DOCK8: variants seen among roughly 807,000 people sequenced by gnomAD.
DOCK8 encodes the protein dedicator of cytokinesis 8.
DOCK8 carries 141 observed loss-of-function variants against 245.6 expected under a neutral mutation model. The ratio of observed to expected loss-of-function variants is 0.57; its 90% CI spans 0.50 to 0.66. The LOEUF (loss-of-function observed/expected upper bound fraction) is 0.66. DOCK8 is among the 30% of genes least tolerant of loss of function. The probability of loss-of-function intolerance (pLI) is 0.00; values close to 1 mark genes in which losing one functional copy is unlikely to be tolerated. For missense variants in DOCK8, 2,965 were observed against 2,603.4 expected (o/e 1.14, Z -3.02); for synonymous variants, 1,168 against 970.2 (o/e 1.20, Z -3.79).
At chr9:384,235 T>G (rs1000044666) in intron 22 of DOCK8, among the ~76,000 whole-genome samples, 7 of 152,218 alleles carry the variant, frequency 4.6e-5, no homozygotes, top group African/African-American at 1.7e-4. Flanking sequence ...ATTCACCCTT[T>G]TTTAAAAGAT....
chr9:227,313 G>A (rs1215116714), intron 1 of DOCK8, among the ~76,000 whole-genome samples: 1 of 152,198 alleles, frequency 6.6e-6, no homozygotes, highest in African/African-American at 2.4e-5. Context: ...CCTCGTAGAG[G>A]TTTTGTTTAA....
chr9:215,506 G>C (rs1180429717), intron 1 of DOCK8: 2 of 1,420,030 alleles, frequency 1.4e-6, no homozygotes, highest in Non-Finnish European at 1.8e-6. Context: ...TCCTGAGCAA[G>C]GCTCCGTCCT....
Position 433,877 on chromosome 9 carries a change from G to A in DOCK8, c.4788G>A (p.Val1596=). The change falls in exon 38 of 48, where the codon GTG becomes GTA. Residue 1596 remains valine, a splice_region_variant and synonymous_variant. Transcript: ENST00000432829. Reference sequence around the variant, plus strand: ...TTTGAGGCTTACACTTTTTGCAGGTGGAGGAACTTCTCTGTAATCTGAATA... The same window carrying A: ...TTTGAGGCTTACACTTTTTGCAGGTAGAGGAACTTCTCTGTAATCTGAATA... ...AMQMTPFPTQ[V]EELLCNLNSI... 6.2e-7 allele frequency: 1 copy of A among 1,613,230 alleles called. No homozygotes were observed. Among genetic ancestry groups the A allele is most frequent in the Non-Finnish European group, 8.5e-7 (1 of 1,179,216 alleles).
intron 1 of DOCK8, among the ~76,000 whole-genome samples, chr9:239,857 T>G (rs532942708): frequency 4.6e-5 from 7 of 152,226 alleles, no homozygotes; most frequent in Non-Finnish European, 1.0e-4. Context: ...TTCATGTCAT[T>G]AAATATTGTT....
chr9:270,437 T>C (rs1186152667), intron 1 of DOCK8, among the ~76,000 whole-genome samples: 1 of 152,152 alleles, frequency 6.6e-6, no homozygotes, highest in African/African-American at 2.4e-5. Context: ...AGCATGAGTG[T>C]TGGCATCTTG....
intron 1 of DOCK8, among the ~76,000 whole-genome samples, chr9:259,331 C>T (rs581500): frequency 0.39 from 60,024 of 151,988 alleles, 12,495 homozygotes; most frequent in East Asian, 0.79. Context: ...ATTTTCCCAC[C>T]TCTCTAACAT....
chr9:234,971 C>G (rs192632562), intron 1 of DOCK8, among the ~76,000 whole-genome samples: 20 of 152,328 alleles, frequency 1.3e-4, no homozygotes, highest in Admixed American at 5.2e-4. Flanking sequence ...AGGAGAGGCA[C>G]TCTCATTTTT....
At chr9:214,769 G>C (rs758761240), upstream of DOCK8, 9 of 1,538,698 alleles carry the variant, frequency 5.8e-6, no homozygotes, top group Non-Finnish European at 7.9e-6. Flanking sequence ...CGCCAGGCCG[G>C]GTGGCGGAGC....
intron 1 of DOCK8, among the ~76,000 whole-genome samples, chr9:254,281 C>T (rs2047718241): frequency 6.6e-6 from 1 of 152,166 alleles, no homozygotes. Context: ...AGACCATCCT[C>T]CTAAACCCTC....
Position 442,011 on chromosome 9 carries a change from T to C in DOCK8, c.5490+2T>C. ...CCTGAGATCTCACATAGACTAGAGG[T>C]AAGAAAAGTGATTCTGTGCGCCTGA... On this transcript the variant is annotated splice_donor_variant, in intron 42 of 47. Transcript: ENST00000432829. LOFTEE classifies it high-confidence loss of function. The C allele has an allele frequency of 6.2e-7, 1 of 1,613,840 alleles. No homozygotes were observed. The highest frequency in any genetic ancestry group is 1.7e-4 in the Middle Eastern group (1 of 6,060).
intron 31 of DOCK8, 130 bp downstream of exon 31, chr9:420,713 A>C: frequency 7.7e-7 from 1 of 1,303,924 alleles, no homozygotes. Context: ...TCAAATCCAT[A>C]ACCCATTTGT....
intron 14 of DOCK8, among the ~76,000 whole-genome samples, chr9:354,100 G>A (rs1468706715): frequency 1.3e-5 from 2 of 152,218 alleles, no homozygotes; most frequent in Non-Finnish European, 2.9e-5. Flanking sequence ...GGGAGGCCAA[G>A]GCAGGTGGAT....
intron 4 of DOCK8, among the ~76,000 whole-genome samples, chr9:304,167 C>T (rs969356653): frequency 2.0e-5 from 3 of 152,160 alleles, no homozygotes; most frequent in African/African-American, 7.2e-5. Flanking sequence ...TTATTAAGAA[C>T]ATTGATGTGA....
At position 225,307 on chromosome 9, in the gene DOCK8, G is replaced by A. The variant is rs556270989; in HGVS notation, c.53+10278G>A. On this transcript the variant is annotated intron_variant, in intron 1 of 47. Transcript: ENST00000432829. ...CTGGCTACAGAAGGGCAACACCTCT[G>A]AGGAGATGAGTCTCAGCTGGGCCCT... Among the ~76,000 whole-genome samples, 10 of 152,296 alleles carry A rather than the reference G, an allele frequency of 6.6e-5. No individual in the cohort carries two copies. In the East Asian group the frequency reaches 1.5e-3, roughly 24 times the overall value.
intron 19 of DOCK8, 84 bp from the exon 20 acceptor site, chr9:376,893 A>C: frequency 8.2e-7 from 1 of 1,217,974 alleles, no homozygotes; most frequent in Non-Finnish European, 1.2e-6. Context: ...TCTACCCATA[A>C]AGAGCTATTC....
At position 356,709 on chromosome 9, in the gene DOCK8, G is replaced by C. The variant is rs952396358; in HGVS notation, c.1680-11309G>C. Reference sequence around the variant, plus strand: ...GCACACCTTCAGTCCATAAATCCAAGCTTTTTGTAAGGAGGGAGGGTGAGT... The same window carrying C: ...GCACACCTTCAGTCCATAAATCCAACCTTTTTGTAAGGAGGGAGGGTGAGT... On this transcript the variant is annotated intron_variant, in intron 14 of 47. Transcript: ENST00000432829. Among the ~76,000 whole-genome samples, 31 of 152,024 alleles carry C rather than the reference G, an allele frequency of 2.0e-4. 1 individual carries two copies. Among genetic ancestry groups the C allele is most frequent in the African/African-American group, 7.0e-4 (29 of 41,468 alleles).
At chr9:317,199 A>T (rs2050384370) in intron 7 of DOCK8, 71 bp downstream of exon 7, 5 of 1,227,838 alleles carry the variant, frequency 4.1e-6, no homozygotes, top group Non-Finnish European at 5.9e-6. Flanking sequence ...TGTTGTGTTT[A>T]TTATCAGAGC....
chr9:327,328 A>G (rs975454422), intron 8 of DOCK8, among the ~76,000 whole-genome samples: 2 of 150,990 alleles, frequency 1.3e-5, no homozygotes, highest in African/African-American at 4.9e-5. Context: ...GCTTCTTTGT[A>G]TGCATGTGGT....
chr9:243,616 A>G (rs1001850362), intron 1 of DOCK8, among the ~76,000 whole-genome samples: 3 of 152,108 alleles, frequency 2.0e-5, no homozygotes, highest in Non-Finnish European at 4.4e-5. Context: ...GGGGGCTCCA[A>G]TTTGGACCAC....
Sources: allele counts gnomAD v4.1 joint callset (sites outside exome capture counted in the v4.1 genomes callset), GRCh38; gene constraint gnomAD v4.1.1; transcripts MANE v1.5; gene names NCBI Gene and HGNC (gene_info 2026-07-23, HGNC 2026-07-21).